RBM19: variants seen among roughly 807,000 people sequenced by gnomAD.
RBM19 encodes probable RNA-binding protein 19.
RBM19 carries 94 observed loss-of-function variants against 116.8 expected under a neutral mutation model. The observed-to-expected ratio is 0.80, with a 90% CI of 0.68 to 0.95. RBM19 has a LOEUF of 0.95. RBM19 is among the 40% of genes least tolerant of loss of function. The pLI is 0.00. For missense variants in RBM19, 1,161 were observed against 1,220.7 expected, an observed-to-expected ratio of 0.95 and a Z score of 0.73; for synonymous variants, 475 against 494.1, an observed-to-expected ratio of 0.96 and a Z score of 0.51.
chr12:113,894,838 A>G (rs942502593), intron 21 of RBM19, among the ~76,000 whole-genome samples: 5 of 152,246 alleles, frequency 3.3e-5, no homozygotes, highest in Admixed American at 6.5e-5. Flanking sequence ...CAAGTGGGAC[A>G]CACCCTTGTG....
chr12:113,950,186 G>A, intron 8 of RBM19, 32 bp from the exon 9 acceptor site: 5 of 1,529,548 alleles, frequency 3.3e-6, no homozygotes, highest in Non-Finnish European at 4.5e-6. Context: ...GGTAAAATCT[G>A]CAGGCCTTGC....
chr12:113,833,942 C>T (rs540301517), intron 23 of RBM19, among the ~76,000 whole-genome samples: 107 of 152,032 alleles, frequency 7.0e-4, no homozygotes, highest in African/African-American at 2.1e-3. Flanking sequence ...GACGGGGTCT[C>T]GCTATGTGGC....
intron 16 of RBM19, among the ~76,000 whole-genome samples, chr12:113,934,277 G>A (rs1305988287): frequency 6.6e-6 from 1 of 152,218 alleles, no homozygotes; most frequent in South Asian, 2.1e-4. Context: ...ATGTGCATGT[G>A]ACATCCCACC....
At chr12:113,934,013 G>A (rs10850244) in intron 16 of RBM19, among the ~76,000 whole-genome samples, 24,253 of 152,142 alleles carry the variant, frequency 0.16, 2,562 homozygotes, top group African/African-American at 0.3. Context: ...GTGTAGTGGT[G>A]CAATCTCGGC....
At chr12:113,833,557 A>T (rs1165149286) in intron 23 of RBM19, among the ~76,000 whole-genome samples, 1 of 151,990 alleles carries the variant, frequency 6.6e-6, no homozygotes, top group Non-Finnish European at 1.5e-5. Flanking sequence ...ACACACTCTG[A>T]CCCCAGGACC....
At chr12:113,858,971 C>T (rs1006892442) in intron 21 of RBM19, 75 bp from the exon 22 acceptor site, 19 of 1,318,738 alleles carry the variant, frequency 1.4e-5, no homozygotes, top group Non-Finnish European at 2.0e-5. Context: ...AGGACTGATT[C>T]TCACATGTAA....
intron 21 of RBM19, among the ~76,000 whole-genome samples, chr12:113,893,401 G>A (rs1223829548): frequency 1.3e-5 from 2 of 152,170 alleles, no homozygotes; most frequent in Non-Finnish European, 2.9e-5. Context: ...AAAGTGCTGG[G>A]ATTACAGGTG....
chr12:113,927,432 C>T (rs1422794158), intron 16 of RBM19: 1 of 603,274 alleles, frequency 1.7e-6, no homozygotes, highest in African/African-American at 1.9e-5. Flanking sequence ...AAAGTCCTGC[C>T]CCTGCTGTGT....
intron 21 of RBM19, among the ~76,000 whole-genome samples, chr12:113,904,698 C>T (rs1021531424): frequency 3.3e-5 from 5 of 152,168 alleles, no homozygotes; most frequent in East Asian, 1.9e-4. Flanking sequence ...CATAGACACA[C>T]GGCCAGATGG....
At chr12:113,909,837 C>T (rs562927592) in intron 21 of RBM19, among the ~76,000 whole-genome samples, 9 of 152,304 alleles carry the variant, frequency 5.9e-5, no homozygotes, top group South Asian at 2.1e-4. Flanking sequence ...ATAACAGCTA[C>T]GCTGGCTGGG....
At chr12:113,869,847 G>C (rs1879093929) in intron 21 of RBM19, among the ~76,000 whole-genome samples, 1 of 152,204 alleles carries the variant, frequency 6.6e-6, no homozygotes, top group Non-Finnish European at 1.5e-5. Flanking sequence ...GAAACTCCAA[G>C]AGGAGATGAA....
intron 22 of RBM19, 147 bp downstream of exon 22, chr12:113,858,644 T>C: frequency 1.4e-6 from 1 of 695,600 alleles, no homozygotes; most frequent in Non-Finnish European, 2.5e-6. Flanking sequence ...CCAAGGATGT[T>C]GTACACATTA....
At position 113,937,060 on chromosome 12, in the gene RBM19, A is replaced by G; in HGVS notation, c.2015T>C (p.Leu672Pro). 1 of 1,613,942 alleles carries G rather than the reference A, an allele frequency of 6.2e-7. No homozygotes were observed. The highest frequency in any genetic ancestry group is 8.5e-7 in the Non-Finnish European group (1 of 1,179,970). The part of the protein sequence containing the change: ...FSSTAPQKKK[L>P]QDTPSEPMEK... ...CATGGGTTCTGAAGGTGTGTCTTGG[A>G]GCTTTTTCTTCTGTGGGGCTGTGCT... Residue 672 changes from leucine to proline, a missense_variant, in exon 16 of 24, where the codon CTC becomes CCC. Leu to Pro is a moderately conservative substitution (Grantham distance 98). Transcript: ENST00000261741.
rs5801011 is a variant in RBM19 at position 113,879,431 on chromosome 12, T to TTATATA, written c.2559-20541_2559-20536dup. Among the ~76,000 whole-genome samples, 480 of 132,638 alleles carry TTATATA rather than the reference T, an allele frequency of 3.6e-3. 4 individuals carry two copies. The highest frequency in any genetic ancestry group is 0.011 in the African/African-American group (433 of 38,098). The allele number at this position is 132,638 out of a possible 152,430, so 87.0% of individuals were successfully genotyped here. ...CTGTAAAAATGATCATACATACATTTTATATATATATATATATATGGACTT... is the reference window on the plus strand; with the variant it reads ...CTGTAAAAATGATCATACATACATTTTATATATATATATATATATATATATGGACTT... On this transcript the variant is annotated intron_variant, in intron 21 of 23. Coordinates refer to ENST00000261741, the MANE Select transcript of RBM19 (RefSeq NM_016196.4).
intron 23 of RBM19, 107 bp downstream of exon 23, chr12:113,844,561 G>A: frequency 7.1e-7 from 1 of 1,412,936 alleles, no homozygotes; most frequent in Non-Finnish European, 9.4e-7. Context: ...GGCAGCCCTT[G>A]TGCCCATAGC....
Position 113,861,552 on chromosome 12 carries a change from G to C in RBM19, c.2559-2656C>G, listed in dbSNP as rs146165610. Among the ~76,000 whole-genome samples the C allele has an allele frequency of 6.2e-3, 942 of 151,694 alleles. 6 individuals carry two copies. Among genetic ancestry groups the C allele is most frequent in the Non-Finnish European group, 9.7e-3 (659 of 67,894 alleles). On this transcript the variant is annotated intron_variant, in intron 21 of 23. Coordinates refer to ENST00000261741, the MANE Select transcript of RBM19 (RefSeq NM_016196.4). ...GGTCGGGGGGTGGTGGTGTGAGAGA[G>C]AAAGAGAGAAGGAGAGAAAGAGAGA... is the stretch of plus-strand genomic sequence containing the variant.
At chr12:113,855,321 C>T (rs1877808044) in intron 22 of RBM19, among the ~76,000 whole-genome samples, 1 of 152,176 alleles carries the variant, frequency 6.6e-6, no homozygotes, top group South Asian at 2.1e-4. Context: ...GGCACTGGCC[C>T]CTCCCAGAAA....
intron 23 of RBM19, among the ~76,000 whole-genome samples, chr12:113,838,443 G>C (rs911030350): frequency 2.6e-5 from 4 of 152,200 alleles, no homozygotes; most frequent in African/African-American, 9.7e-5. Flanking sequence ...AACTCCACGG[G>C]GAGAACATGC....
chr12:113,940,114 G>A lies in RBM19; in HGVS notation c.1784C>T (p.Pro595Leu), dbSNP rs750278796. 6.8e-6 allele frequency: 11 copies of A among 1,613,998 alleles called. No individual in the cohort carries two copies. The highest frequency in any genetic ancestry group is 1.1e-5 in the South Asian group (1 of 91,054). ...CAGCTGGGCCGCCAGGGTGCCTGCC[G>A]GGAGGTTCTTGACCAGAATCACAGT... The part of the protein sequence containing the change: ...SKTVILVKNL[P>L]AGTLAAQLQE... The change falls in exon 15 of 24, where the codon CCG becomes CTG. Residue 595 changes from proline to leucine, a missense_variant. Coordinates refer to ENST00000261741, the MANE Select transcript of RBM19 (RefSeq NM_016196.4).
Sources: allele counts gnomAD v4.1 joint callset (sites outside exome capture counted in the v4.1 genomes callset), GRCh38; gene constraint gnomAD v4.1.1; transcripts MANE v1.5; gene names NCBI Gene and HGNC (gene_info 2026-07-23, HGNC 2026-07-21).